ZNF616: variants seen among roughly 807,000 people sequenced by gnomAD.
ZNF616 encodes the protein zinc finger protein 616.
A neutral mutation model predicts 7.6 loss-of-function variants in ZNF616; 5 were observed. That is an observed-to-expected ratio of 0.66 (90% CI 0.34 to 1.38). The LOEUF (loss-of-function observed/expected upper bound fraction) is 1.38. ZNF616 is among the 40% of genes most tolerant of loss of function. The pLI, the probability that ZNF616 is intolerant of heterozygous loss-of-function variation, is 0.04. For synonymous variants in ZNF616, 319 were observed against 317.2 expected (o/e 1.01, Z -0.06); for missense variants, 913 against 948.3 (o/e 0.96, Z 0.49).
chr19:52,115,727 T>G lies in ZNF616; in HGVS notation c.1437A>C (p.Arg479=), dbSNP rs763439621. Residue 479 remains arginine (R), a synonymous_variant, in exon 4 of 4, where the codon CGA becomes CGC. Coordinates refer to ENST00000600228, the MANE Select transcript of ZNF616 (RefSeq NM_178523.5). Reference sequence around the variant, plus strand: ...TATGAATTCTCTGATGAGCTGCAAGTCGTGAATGTATGCTGAAAACTTTGC... The same window carrying G: ...TATGAATTCTCTGATGAGCTGCAAGGCGTGAATGTATGCTGAAAACTTTGC... ...ECGKVFSIHS[R]LAAHQRIHTG... is the part of the protein sequence containing the mutation. 1 of 1,611,380 alleles carries G rather than the reference T, an allele frequency of 6.2e-7. No individual in the cohort carries two copies. Among genetic ancestry groups the G allele is most frequent in the South Asian group, 1.1e-5 (1 of 90,968 alleles).
chr19:52,131,991 T>TA (rs1249322462), intron 1 of ZNF616, among the ~76,000 whole-genome samples: 1 of 151,820 alleles, frequency 6.6e-6, no homozygotes, highest in Admixed American at 6.6e-5. Context: ...AGGACACAGG[T>TA]AGGAAATGAG....
Position 52,115,820 on chromosome 19 carries a change from C to T in ZNF616, c.1344G>A (p.Lys448=). The change falls in exon 4 of 4, where the codon AAG becomes AAA. Residue 448 remains lysine, a synonymous_variant. Coordinates refer to ENST00000600228, the MANE Select transcript of ZNF616 (RefSeq NM_178523.5). The part of the protein sequence containing the change: ...KCNKCGKVYS[K]HSHLAVHWRI... ...TCCAATGCACTGCAAGATGTGAATG[C>T]TTACTGTACACCTTGCCACATTTAT... The T allele has an allele frequency of 2.5e-6, 4 of 1,608,466 alleles. No individual in the cohort carries two copies. The Admixed American group carries it at 5.0e-5, about 20-fold the overall frequency.
intron 1 of ZNF616, among the ~76,000 whole-genome samples, chr19:52,137,624 G>C (rs148772952): frequency 6.6e-6 from 1 of 152,142 alleles, no homozygotes; most frequent in Non-Finnish European, 1.5e-5. Flanking sequence ...GCTGGGTGGG[G>C]AAAGTGGAGA....
At chr19:52,136,886 G>A (rs2122177403) in intron 1 of ZNF616, among the ~76,000 whole-genome samples, 1 of 151,692 alleles carries the variant, frequency 6.6e-6, no homozygotes, top group South Asian at 2.1e-4. Context: ...AAAACAGCGG[G>A]ACCATGTCTC....
Position 52,115,326 on chromosome 19 carries a change from G to A in ZNF616, c.1838C>T (p.Ala613Val). Residue 613 changes from alanine (A) to valine (V), a missense_variant, in exon 4 of 4, where the codon GCC (alanine) becomes GTC (valine). Physicochemically the swap from Ala to Val is moderately conservative, Grantham distance 64. Transcript: ENST00000600228. ...KPYKCHECGK[A>V]FNQGSTLNRH... is the part of the protein sequence containing the mutation. ...ATTGAGTGTGGAGCCCTGATTAAAG[G>A]CTTTGCCACATTCATGACATTTGTA... The A allele has an allele frequency of 6.2e-7, 1 of 1,613,960 alleles. No individual in the cohort carries two copies. The highest frequency in any genetic ancestry group is 8.5e-7 in the Non-Finnish European group (1 of 1,180,004).
At chr19:52,122,080 T>C (rs187771155) in intron 3 of ZNF616, among the ~76,000 whole-genome samples, 49 of 150,956 alleles carry the variant, frequency 3.2e-4, no homozygotes, top group African/African-American at 1.2e-3. Flanking sequence ...GAATAATTAT[T>C]ATAATATAGC....
intron 1 of ZNF616, among the ~76,000 whole-genome samples, chr19:52,130,841 C>G (rs1328726149): frequency 6.6e-6 from 1 of 152,250 alleles, no homozygotes; most frequent in Non-Finnish European, 1.5e-5. Context: ...AGCTCCCATT[C>G]AGGGCACGGA....
At chr19:52,122,184 T>C (rs371923798) in intron 3 of ZNF616, 4 of 152,040 alleles carry the variant, frequency 2.6e-5, no homozygotes, top group African/African-American at 9.6e-5. Context: ...GCAATGTGTC[T>C]GATATAACAA....
Position 52,115,824 on chromosome 19 carries a change from C to A in ZNF616, c.1340G>T (p.Ser447Ile). The A allele has an allele frequency of 3.7e-6, 6 of 1,609,350 alleles. No homozygotes were observed. The highest frequency in any genetic ancestry group is 5.1e-6 in the Non-Finnish European group (6 of 1,177,856). Residue 447 changes from serine to isoleucine, a missense_variant, in exon 4 of 4, where the codon AGT becomes ATT. By Grantham distance (142) the Ser-to-Ile change is moderately radical. Coordinates refer to ENST00000600228, the MANE Select transcript of ZNF616 (RefSeq NM_178523.5). ...YKCNKCGKVYSKHSHLAVHWR... is the reference protein window; with the variant it reads ...YKCNKCGKVYIKHSHLAVHWR... Reference sequence around the variant, plus strand: ...ATGCACTGCAAGATGTGAATGCTTACTGTACACCTTGCCACATTTATTGCA... The same window carrying A: ...ATGCACTGCAAGATGTGAATGCTTAATGTACACCTTGCCACATTTATTGCA...
chr19:52,123,253 T>C (rs2088878342), intron 3 of ZNF616, among the ~76,000 whole-genome samples: 2 of 152,276 alleles, frequency 1.3e-5, no homozygotes, highest in South Asian at 4.1e-4. Flanking sequence ...TAGCGGTCAC[T>C]TAAAACAAAT....
At position 52,136,035 on chromosome 19, in the gene ZNF616, C is replaced by G. The variant is rs866062675; in HGVS notation, c.-77+3697G>C. Among the ~76,000 whole-genome samples, 71 of 148,498 alleles carry G rather than the reference C, an allele frequency of 4.8e-4. 1 individual carries two copies. The Middle Eastern group carries it at 0.011, about 22-fold the overall frequency. On this transcript the variant is annotated intron_variant, in intron 1 of 3. Transcript: ENST00000600228. ...ATCTCAGCTACTTGTGAGGCTGAGG[C>G]ATGAGACTCGCTAGAACCCAGGAGG...
intron 2 of ZNF616, 69 bp from the exon 3 acceptor site, chr19:52,124,118 G>A: frequency 6.5e-7 from 1 of 1,527,360 alleles, no homozygotes; most frequent in Non-Finnish European, 8.8e-7. Flanking sequence ...AATGAGGAGA[G>A]AACTATCACA....
At chr19:52,118,592 G>A (rs1027426016) in intron 3 of ZNF616, among the ~76,000 whole-genome samples, 3 of 152,174 alleles carry the variant, frequency 2.0e-5, no homozygotes, top group Non-Finnish European at 4.4e-5. Flanking sequence ...GGCTGGTTCT[G>A]ACATGTTAGA....
chr19:52,123,180 C>G lies in ZNF616; in HGVS notation c.139+743G>C, dbSNP rs1380776914. ...ACTGAGTATCCTCAAAAATATGGAA[C>G]TGATTATTAAATAAATAAAAACAAA... On this transcript the variant is annotated intron_variant, in intron 3 of 3. Transcript: ENST00000600228. Among the ~76,000 whole-genome samples the G allele has an allele frequency of 2.0e-5, 3 of 152,204 alleles. No homozygotes were observed. The East Asian group carries it at 5.8e-4, about 29-fold the overall frequency.
At chr19:52,129,685 C>T (rs183058759) in intron 2 of ZNF616, among the ~76,000 whole-genome samples, 2 of 152,186 alleles carry the variant, frequency 1.3e-5, no homozygotes, top group Non-Finnish European at 2.9e-5. Context: ...CATTCAATTC[C>T]CTGTCATTAA....
chr19:52,129,788 T>A (rs1029184610), intron 2 of ZNF616, among the ~76,000 whole-genome samples: 9 of 119,836 alleles, frequency 7.5e-5, no homozygotes, highest in African/African-American at 2.5e-4. Context: ...TTTTCCATAT[T>A]TTTTTTTTTT....
In ZNF616 at chr19:52,125,835, G is replaced by A. The variant is rs1000071561; in HGVS notation, c.13-1786C>T. On this transcript the variant is annotated intron_variant, in intron 2 of 3. Coordinates refer to ENST00000600228, the MANE Select transcript of ZNF616 (RefSeq NM_178523.5). ...GCCACTGAGCAAAAAGATAACTGAC[G>A]TAAACCGGTGTCTGCAATAACACAG... Among the ~76,000 whole-genome samples, 12 of 152,280 alleles carry A rather than the reference G, an allele frequency of 7.9e-5. 1 individual carries two copies. The highest frequency in any genetic ancestry group is 3.3e-4 in the Admixed American group (5 of 15,308).
intron 3 of ZNF616, among the ~76,000 whole-genome samples, chr19:52,117,964 A>T (rs2088839587): frequency 2.0e-5 from 3 of 152,082 alleles, no homozygotes; most frequent in African/African-American, 7.2e-5. Flanking sequence ...TTTTCTTGAG[A>T]CAGAGTCTCA....
rs1423392435 is a variant in ZNF616 at position 52,116,856 on chromosome 19, T to C, written c.308A>G (p.Asp103Gly). The C allele has an allele frequency of 6.2e-7, 1 of 1,613,888 alleles. No individual in the cohort carries two copies. Among genetic ancestry groups the C allele is most frequent in the South Asian group, 1.1e-5 (1 of 90,956 alleles). Residue 103 changes from aspartate to glycine, a missense_variant, in exon 4 of 4, where the codon GAT (aspartate) becomes GGT (glycine). By Grantham distance (94) the Asp-to-Gly change is moderately conservative (BLOSUM62 -1). Transcript: ENST00000600228. ...CACTTCTTTATCATTTGTTTCACCA[T>C]CTTTCCATTGAAATTCAAGGTCATG... Reference protein sequence around the residue: ...HLHDLEFQWKDGETNDKEVPV... With the variant: ...HLHDLEFQWKGGETNDKEVPV...
Sources: gnomAD v4.1 joint callset for allele counts (sites outside exome capture counted in the v4.1 genomes callset) on GRCh38, gnomAD v4.1.1 for gene constraint, MANE v1.5 for transcripts, NCBI Gene and HGNC (gene_info 2026-07-23, HGNC 2026-07-21) for gene names.